Variants in BFAR observed in about 807,000 individuals in gnomAD.
BFAR encodes bifunctional apoptosis regulator.
Under a neutral mutation model 54.4 loss-of-function variants are expected in BFAR, and 52 were observed. The observed-to-expected ratio is 0.96, with a 90% CI of 0.77 to 1.21. The LOEUF is 1.21. Among genes scored for constraint, BFAR ranks in the 50% most tolerant of loss-of-function variants. The pLI, the probability that BFAR is intolerant of heterozygous loss-of-function variation, is 0.00. For synonymous variants in BFAR, 215 were observed against 204.3 expected (o/e 1.05, Z -0.45); for missense variants, 571 against 534.0 (o/e 1.07, Z -0.68).
intron 1 of BFAR, among the ~76,000 whole-genome samples, chr16:14,642,461 T>A (rs894298861): frequency 5.3e-5 from 8 of 152,148 alleles, no homozygotes; most frequent in South Asian, 4.1e-4. Context: ...TTTAAAAAAA[T>A]TTTTAAAAAT....
At chr16:14,662,401 G>A (rs1240725734) in intron 6 of BFAR, among the ~76,000 whole-genome samples, 1 of 152,106 alleles carries the variant, frequency 6.6e-6, no homozygotes, top group African/African-American at 2.4e-5. Flanking sequence ...TTTCAGCCTT[G>A]AATATAGTCT....
At chr16:14,636,243 A>G (rs1959435049) in intron 1 of BFAR, among the ~76,000 whole-genome samples, 1 of 152,184 alleles carries the variant, frequency 6.6e-6, no homozygotes, top group Non-Finnish European at 1.5e-5. Context: ...AGAGAAAGAA[A>G]TAAGGAGGCC....
intron 4 of BFAR, among the ~76,000 whole-genome samples, chr16:14,651,477 T>C (rs1417763164): frequency 3.3e-5 from 5 of 152,028 alleles, no homozygotes; most frequent in African/African-American, 9.7e-5. Context: ...CCCCGGAGTA[T>C]TGTGTTTTTG....
rs751066649 is a variant in BFAR, at chr16:14,661,909, G to A, written c.801G>A (p.Arg267=). ...CTCTGCAGGCTGTGAACCCAGGCAG[G>A]TCCCTGTTCCTGCTATACGCCCTCA... The part of the protein sequence containing the change: ...LWEYKAVNPG[R]SLFLLYALKS... The change falls in exon 6 of 8, where the codon AGG becomes AGA. Residue 267 remains arginine (R), a synonymous_variant. Transcript: ENST00000261658. 18 of 1,614,010 alleles carry A rather than the reference G, an allele frequency of 1.1e-5. No individual in the cohort carries two copies. Among genetic ancestry groups the A allele is most frequent in the Middle Eastern group, 3.3e-4 (2 of 6,084 alleles).
rs775856511 is a variant in BFAR at position 14,668,578 on chromosome 16, C to G, written c.*751C>G. 245 of 152,822 alleles carry G rather than the reference C, an allele frequency of 1.6e-3. 1 individual carries two copies. Among genetic ancestry groups the G allele is most frequent in the Non-Finnish European group, 3.1e-3 (213 of 68,496 alleles). 9.5% of individuals were successfully genotyped at this position (152,822 alleles called of 1,614,324 possible). A position where few individuals can be genotyped will look rare whatever the true frequency, so the allele number is the denominator to read the frequency against. On this transcript the variant is annotated 3_prime_UTR_variant, in exon 8 of 8. Transcript: ENST00000261658. ...GTTATTCAGAATTGTTTTGGTGATA[C>G]CTCACCCCTGTAATCCCAGCACTTT...
intron 5 of BFAR, among the ~76,000 whole-genome samples, chr16:14,657,674 C>A (rs1960168232): frequency 6.6e-6 from 1 of 152,070 alleles, no homozygotes; most frequent in Non-Finnish European, 1.5e-5. Context: ...TCCAGAGTAG[C>A]TAGGAATACA....
intron 5 of BFAR, among the ~76,000 whole-genome samples, chr16:14,659,239 T>TTGTTG (rs1960219352): frequency 6.8e-6 from 1 of 147,822 alleles, no homozygotes; most frequent in Non-Finnish European, 1.5e-5. Context: ...TTTTTGTTTT[T>TTGTTG]TTTTGTTTTT....
At chr16:14,660,809 G>T (rs1960267330) in intron 5 of BFAR, among the ~76,000 whole-genome samples, 1 of 151,816 alleles carries the variant, frequency 6.6e-6, no homozygotes, top group Non-Finnish European at 1.5e-5. Flanking sequence ...GCTGAGGCAG[G>T]AGAATTGCTT....
chr16:14,651,106 C>T (rs968322414), intron 4 of BFAR, among the ~76,000 whole-genome samples: 1 of 152,180 alleles, frequency 6.6e-6, no homozygotes, highest in African/African-American at 2.4e-5. Flanking sequence ...ATTCAGTTCC[C>T]ACACTGTCTA....
At chr16:14,635,316 CAG>C (rs1959398386) in intron 1 of BFAR, among the ~76,000 whole-genome samples, 1 of 152,172 alleles carries the variant, frequency 6.6e-6, no homozygotes, top group African/African-American at 2.4e-5. Context: ...GCCTGGGCGA[CAG>C]AGTGAGACTC....
chr16:14,633,816 CTGA>C (rs1250195679), intron 1 of BFAR, among the ~76,000 whole-genome samples: 2 of 152,108 alleles, frequency 1.3e-5, no homozygotes, highest in African/African-American at 2.4e-5. Context: ...CCACGCCCGG[CTGA>C]TTTTTGTATT....
chr16:14,655,389 T>A (rs767592991), intron 5 of BFAR, among the ~76,000 whole-genome samples, 179 bp downstream of exon 5: 5 of 151,682 alleles, frequency 3.3e-5, no homozygotes, highest in Non-Finnish European at 5.9e-5. Context: ...TGGCGCAATC[T>A]CAGCTCAGTG....
chr16:14,663,356 G>C (rs1459291522), intron 6 of BFAR, among the ~76,000 whole-genome samples: 4 of 150,442 alleles, frequency 2.7e-5, no homozygotes, highest in African/African-American at 7.3e-5. Context: ...TTTTGAGACA[G>C]AGTCTCGCCC....
chr16:14,655,138 A>G lies in BFAR; in HGVS notation c.711A>G (p.Arg237=), dbSNP rs1459996063. 5.0e-6 allele frequency: 8 copies of G among 1,612,340 alleles called. No homozygotes were observed. Among genetic ancestry groups the G allele is most frequent in the Non-Finnish European group, 6.8e-6 (8 of 1,179,334 alleles). ...CCATAGAAAACAGCAGCCACAGGAG[A>G]GCCATCCTCATGGAGCTAGAACGTG... is the stretch of plus-strand genomic sequence containing the variant. The part of the protein sequence containing the change: ...PYTIENSSHR[R]AILMELERVK... The change falls in exon 5 of 8, where the codon AGA becomes AGG. Residue 237 remains arginine (R), a synonymous_variant. Transcript: ENST00000261658.
chr16:14,640,342 G>A (rs1959582788), intron 1 of BFAR, among the ~76,000 whole-genome samples: 1 of 152,168 alleles, frequency 6.6e-6, no homozygotes. Flanking sequence ...GAACTGAAAT[G>A]GACAGGTGGG....
chr16:14,640,084 C>T (rs371535317), intron 1 of BFAR, among the ~76,000 whole-genome samples: 17 of 149,378 alleles, frequency 1.1e-4, no homozygotes, highest in African/African-American at 3.2e-4. Flanking sequence ...CTGGGGAGGT[C>T]GAGGCTACAG....
intron 6 of BFAR, among the ~76,000 whole-genome samples, chr16:14,663,050 G>A (rs964358678): frequency 3.3e-5 from 5 of 152,188 alleles, no homozygotes; most frequent in Non-Finnish European, 7.3e-5. Flanking sequence ...ACAATGTCTG[G>A]AATCTATAGA....
At chr16:14,644,219 T>C (rs1199619009) in intron 1 of BFAR, 55 bp from the exon 2 acceptor site, 26 of 946,160 alleles carry the variant, frequency 2.7e-5, no homozygotes, top group Non-Finnish European at 4.1e-5. Flanking sequence ...TTATATTAAC[T>C]GCTCTTCAAA....
chr16:14,636,443 T>G (rs554244529), intron 1 of BFAR, among the ~76,000 whole-genome samples: 106 of 152,388 alleles, frequency 7.0e-4, no homozygotes, highest in Non-Finnish European at 1.2e-3. Context: ...AATTAAATGC[T>G]GTGCTTTAGA....
Sources: allele counts gnomAD v4.1 joint callset (sites outside exome capture counted in the v4.1 genomes callset), GRCh38; gene constraint gnomAD v4.1.1; transcripts MANE v1.5; gene names NCBI Gene and HGNC (gene_info 2026-07-23, HGNC 2026-07-21).